Variants in RSPH3 observed in about 807,000 individuals in gnomAD.
The protein encoded by RSPH3 is radial spoke head protein 3 homolog.
A neutral mutation model predicts 43.8 loss-of-function variants in RSPH3; 21 were observed. That is an observed-to-expected ratio of 0.48 (90% CI 0.34 to 0.69). The LOEUF (loss-of-function observed/expected upper bound fraction) is 0.69. RSPH3 is among the 30% of genes least tolerant of loss of function. The pLI is 0.01. For synonymous variants in RSPH3, 173 were observed against 179.8 expected (o/e 0.96, Z 0.30); for missense variants, 487 against 516.0 (o/e 0.94, Z 0.54).
At position 158,989,050 on chromosome 6, in the gene RSPH3, T is replaced by C. The variant is rs1287178925; in HGVS notation, c.205-2629A>G. On this transcript the variant is annotated intron_variant, in intron 2 of 7. Transcript: ENST00000367069. This position sits in a 1 kb window ranked among gnomAD's most constrained non-coding sequence, Gnocchi z 4.3. Reference sequence around the variant, plus strand: ...TATTGGATATATTTTCTTAGAGTTTTTTTTTATCTTTTTTGAGACAGAGTC... The same window carrying C: ...TATTGGATATATTTTCTTAGAGTTTCTTTTTATCTTTTTTGAGACAGAGTC... 6.6e-6 allele frequency among the ~76,000 whole-genome samples: 1 copy of C among 151,924 alleles called. No individual in the cohort carries two copies. Among genetic ancestry groups the C allele is most frequent in the Admixed American group, 6.6e-5 (1 of 15,214 alleles).
intron 6 of RSPH3, among the ~76,000 whole-genome samples, chr6:158,979,547 G>A (rs1777960583): frequency 1.3e-5 from 2 of 152,188 alleles, no homozygotes; most frequent in South Asian, 4.2e-4. Flanking sequence ...ACTTCTCTGA[G>A]CTTCAGTTTC....
chr6:158,985,895 C>A (rs1175098856), intron 3 of RSPH3, among the ~76,000 whole-genome samples: 1 of 150,836 alleles, frequency 6.6e-6, no homozygotes, highest in Non-Finnish European at 1.5e-5. Context: ...CTTACTGCAA[C>A]CTCCGCCTCC....
chr6:158,981,132 G>A (rs12196857), intron 5 of RSPH3, among the ~76,000 whole-genome samples, 196 bp from the exon 6 acceptor site: 2,709 of 152,250 alleles, frequency 0.018, 34 homozygotes, highest in Middle Eastern at 0.024. Flanking sequence ...AGGAAGTTAT[G>A]AAAGATGGAA....
chr6:158,987,084 G>T (rs1778257108), intron 2 of RSPH3, among the ~76,000 whole-genome samples: 1 of 152,052 alleles, frequency 6.6e-6, no homozygotes, highest in South Asian at 2.1e-4. Context: ...GGTTGTTAAA[G>T]TCTCCTAATA....
chr6:158,995,253 C>T (rs1273355128), intron 1 of RSPH3, among the ~76,000 whole-genome samples: 3 of 152,154 alleles, frequency 2.0e-5, no homozygotes, highest in African/African-American at 7.2e-5. Context: ...GGAAGGCAAC[C>T]TCAGAATTGA....
At chr6:158,966,029 T>C in the RSPH3 span, among the ~76,000 whole-genome samples, 1 of 152,182 alleles carries the variant, frequency 6.6e-6, no homozygotes, top group Non-Finnish European at 1.5e-5. Flanking sequence ...TCTGTTATTA[T>C]ATTAATATGG....
At position 158,976,475 on chromosome 6, in the gene RSPH3, A is replaced by G. The variant is rs1371982326; in HGVS notation, c.*1063T>C. 6.6e-6 allele frequency: 1 copy of G among 152,174 alleles called. No individual in the cohort carries two copies. Among genetic ancestry groups the G allele is most frequent in the Non-Finnish European group, 1.5e-5 (1 of 68,038 alleles). 9.4% of individuals were successfully genotyped at this position (152,174 alleles called of 1,614,324 possible). Reference sequence around the variant, plus strand: ...CATTCTCTTAAGTGAAAAATAAAATATGTAAATAATGTTTATATTTATATA... The same window carrying G: ...CATTCTCTTAAGTGAAAAATAAAATGTGTAAATAATGTTTATATTTATATA... On this transcript the variant is annotated 3_prime_UTR_variant, in exon 8 of 8. Coordinates refer to ENST00000367069, the MANE Select transcript of RSPH3 (RefSeq NM_031924.8).
the RSPH3 span, among the ~76,000 whole-genome samples, chr6:158,965,958 T>G: frequency 6.6e-6 from 1 of 152,192 alleles, no homozygotes; most frequent in Non-Finnish European, 1.5e-5. Flanking sequence ...GTTTTTAATA[T>G]GAAAGTGTGT....
chr6:158,970,765 C>T (rs897225440), downstream of RSPH3, among the ~76,000 whole-genome samples: 1 of 152,102 alleles, frequency 6.6e-6, no homozygotes, highest in Admixed American at 6.5e-5. Context: ...GTTGGCCAGG[C>T]TGGTCTTGAA....
In RSPH3 at chr6:158,977,692, G is replaced by C. The variant is rs1777893139; in HGVS notation, c.1103C>G (p.Thr368Arg). 2 of 1,614,002 alleles carry C rather than the reference G, an allele frequency of 1.2e-6. No individual in the cohort carries two copies. Among genetic ancestry groups the C allele is most frequent in the Non-Finnish European group, 1.7e-6 (2 of 1,180,020 alleles). Residue 368 changes from threonine to arginine, a missense_variant, in exon 8 of 8, where the codon ACA becomes AGA. By Grantham distance (71) the Thr-to-Arg change is moderately conservative. Transcript: ENST00000367069. ...GCCTCCATCTAAAAGCAGCTCCCGT[G>C]TCTGTGACATGCTCTGCTCCAGGAA... The part of the protein sequence containing the change: ...SEFLEQSMSQ[T>R]RELLLDGGYL...
chr6:158,983,001 A>G (rs1019254135), intron 4 of RSPH3, among the ~76,000 whole-genome samples: 2 of 152,202 alleles, frequency 1.3e-5, no homozygotes, highest in African/African-American at 4.8e-5. Flanking sequence ...TTTTTAAATA[A>G]CAGTTTGATG....
At chr6:158,990,235 T>A in intron 2 of RSPH3, among the ~76,000 whole-genome samples, 1 of 152,158 alleles carries the variant, frequency 6.6e-6, no homozygotes, top group East Asian at 1.9e-4. Context: ...AGAACCCTAA[T>A]ACAATCCTCC....
the RSPH3 span, among the ~76,000 whole-genome samples, chr6:158,966,557 A>C: frequency 2.0e-5 from 3 of 152,060 alleles, no homozygotes; most frequent in Admixed American, 2.0e-4. Flanking sequence ...GGTAAATTGT[A>C]TCTTTCTAGG....
chr6:158,997,845 T>G (rs1944211537), intron 1 of RSPH3, among the ~76,000 whole-genome samples: 1 of 152,076 alleles, frequency 6.6e-6, no homozygotes, highest in Admixed American at 6.6e-5. Flanking sequence ...CAAATTTAAA[T>G]TTTCTATTTT....
chr6:158,977,202 T>G lies in RSPH3; in HGVS notation c.*336A>C. ...CAGCACTGATATTGAACATTAAATATCATACTTACTAAAAAAAACTAACCC... is the reference window on the plus strand; with the variant it reads ...CAGCACTGATATTGAACATTAAATAGCATACTTACTAAAAAAAACTAACCC... On this transcript the variant is annotated 3_prime_UTR_variant, in exon 8 of 8. Transcript: ENST00000367069. 1 of 240,030 alleles carries G rather than the reference T, an allele frequency of 4.2e-6. No homozygotes were observed. Among genetic ancestry groups the G allele is most frequent in the Non-Finnish European group, 8.0e-6 (1 of 125,016 alleles). The allele number at this position is 240,030 out of a possible 1,614,324, so 14.9% of individuals were successfully genotyped here.
At chr6:158,986,517 G>A in intron 2 of RSPH3, 96 bp from the exon 3 acceptor site, 1 of 915,390 alleles carries the variant, frequency 1.1e-6, no homozygotes. Context: ...TAGTATAAAG[G>A]CATTTGTCAT....
chr6:158,993,769 C>A (rs1480137737), intron 2 of RSPH3, 70 bp downstream of exon 2: 2 of 798,232 alleles, frequency 2.5e-6, no homozygotes, highest in East Asian at 5.4e-5. Flanking sequence ...TAGAAATTAA[C>A]ACCAAGAAAC....
rs779638705 is a variant in RSPH3 at position 158,980,950 on chromosome 6, C to T, written c.697-14G>A. ...CTTACGCCGTTCCTGCCAAGAACGA[C>T]AGAGGTGGTTATTTAGCTCTTATGC... is the stretch of plus-strand genomic sequence containing the variant. On this transcript the variant is annotated splice_polypyrimidine_tract_variant and intron_variant, in intron 5 of 7. Transcript: ENST00000367069. The T allele has an allele frequency of 1.2e-6, 2 of 1,612,802 alleles. No individual in the cohort carries two copies. The highest frequency in any genetic ancestry group is 2.2e-5 in the East Asian group (1 of 44,872).
rs1778072414 is a variant in RSPH3 at position 158,982,601 on chromosome 6, C to T, written c.580G>A (p.Glu194Lys). ...IEQSLLEVME[E>K]EELANLRASQ... The stretch of plus-strand genomic sequence containing the variant: ...GCCCGCAGGTTAGCCAGCTCTTCTT[C>T]TTCCATTACTTCCAGAAGAGACTGC... Residue 194 changes from glutamate to lysine, a missense_variant, in exon 5 of 8, where the codon GAA (glutamate) becomes AAA (lysine). Glu to Lys is a moderately conservative substitution (Grantham distance 56). Coordinates refer to ENST00000367069, the MANE Select transcript of RSPH3 (RefSeq NM_031924.8). The T allele has an allele frequency of 6.2e-7, 1 of 1,613,800 alleles. No individual in the cohort carries two copies. The highest frequency in any genetic ancestry group is 1.3e-5 in the African/African-American group (1 of 74,860).
Sources: allele counts gnomAD v4.1 joint callset (sites outside exome capture counted in the v4.1 genomes callset), GRCh38; gene constraint gnomAD v4.1.1; non-coding constraint Gnocchi (gnomAD v3.1); transcripts MANE v1.5; gene names NCBI Gene and HGNC (gene_info 2026-07-23, HGNC 2026-07-21).